The following ELAPOR2 variants were observed in gnomAD, a reference collection of about 807,000 sequenced individuals.
ELAPOR2 encodes endosome-lysosome associated apoptosis and autophagy regulator family member 2, also known as endosome/lysosome-associated apoptosis and autophagy regulator family member 2.
ELAPOR2 carries 89 observed loss-of-function variants against 120.7 expected under a neutral mutation model. That is an observed-to-expected ratio of 0.74 (90% CI 0.62 to 0.88). The LOEUF is 0.88. Ranked by LOEUF, ELAPOR2 falls within the 40% of genes least tolerant of loss-of-function variation. The pLI, the probability that ELAPOR2 is intolerant of heterozygous loss-of-function variation, is 0.00. For missense variants in ELAPOR2, 1,134 were observed against 1,251.6 expected (o/e 0.91, Z 1.42); for synonymous variants, 444 against 444.9 (o/e 1.00, Z 0.03).
At chr7:87,046,171 C>A (rs1794949724) in intron 1 of ELAPOR2, among the ~76,000 whole-genome samples, 1 of 151,938 alleles carries the variant, frequency 6.6e-6, no homozygotes, top group Non-Finnish European at 1.5e-5. Flanking sequence ...GTGAACACTC[C>A]AAAACAGAAA....
In ELAPOR2 at chr7:86,878,802, T is replaced by A. The variant is rs1011989415; in HGVS notation, c.*1669A>T. 1.3e-5 allele frequency: 2 copies of A among 152,206 alleles called. No homozygotes were observed. Among genetic ancestry groups the A allele is most frequent in the Non-Finnish European group, 2.9e-5 (2 of 68,020 alleles). 9.4% of individuals were successfully genotyped at this position (152,206 alleles called of 1,614,324 possible). ...AAGAAATTAAATGCAAAAAAAGGTT[T>A]ATGCAAAGTGACTCCCTCCCTGAAT... is the stretch of plus-strand genomic sequence containing the variant. On this transcript the variant is annotated 3_prime_UTR_variant, in exon 22 of 22. Transcript: ENST00000450689.
intron 1 of ELAPOR2, among the ~76,000 whole-genome samples, chr7:86,980,727 A>T (rs1767711): frequency 0.38 from 57,451 of 151,718 alleles, 11,713 homozygotes; most frequent in African/African-American, 0.53. Flanking sequence ...TATCTCTGCC[A>T]GTTCTTCCAA....
chr7:87,021,762 T>A (rs1794047650), intron 1 of ELAPOR2, among the ~76,000 whole-genome samples: 1 of 152,180 alleles, frequency 6.6e-6, no homozygotes, highest in Non-Finnish European at 1.5e-5. Flanking sequence ...CCAGCTAATC[T>A]CAGAACAAAG....
At chr7:86,967,488 T>C (rs990350152) in intron 1 of ELAPOR2, among the ~76,000 whole-genome samples, 1 of 152,132 alleles carries the variant, frequency 6.6e-6, no homozygotes, top group African/African-American at 2.4e-5. Flanking sequence ...GTCTGTCTTA[T>C]TTCCATGTTC....
At chr7:86,895,172 C>T (rs910969740) in intron 19 of ELAPOR2, among the ~76,000 whole-genome samples, 11 of 152,100 alleles carry the variant, frequency 7.2e-5, no homozygotes, top group East Asian at 1.9e-4. Context: ...TCTTCTATCA[C>T]GAAGCTTTGG....
chr7:86,917,587 G>T (rs1329330308), intron 12 of ELAPOR2, among the ~76,000 whole-genome samples: 4 of 152,116 alleles, frequency 2.6e-5, no homozygotes. Context: ...GCAGACTTGG[G>T]AGAATTGAAG....
rs182716401 is a variant in ELAPOR2 at position 87,001,778 on chromosome 7, A to G, written c.190-36754T>C. Among the ~76,000 whole-genome samples, 126 of 152,324 alleles carry G rather than the reference A, an allele frequency of 8.3e-4. No homozygotes were observed. In the Middle Eastern group the frequency reaches 0.017, roughly 21 times the overall value. On this transcript the variant is annotated intron_variant, in intron 1 of 21. Coordinates refer to ENST00000450689, the MANE Select transcript of ELAPOR2 (RefSeq NM_001142749.3). Reference sequence around the variant, plus strand: ...TCTACAGAGAACAGCAGAGGATCATATCAAAAAGAAGAAATGTATAGCCAA... The same window carrying G: ...TCTACAGAGAACAGCAGAGGATCATGTCAAAAAGAAGAAATGTATAGCCAA...
At chr7:86,915,608 C>A (rs1018763129) in intron 12 of ELAPOR2, among the ~76,000 whole-genome samples, 8 of 150,718 alleles carry the variant, frequency 5.3e-5, no homozygotes, top group African/African-American at 1.5e-4. Context: ...AAAACCAAGC[C>A]TAAACTCTGA....
chr7:86,971,947 C>T (rs913772798), intron 1 of ELAPOR2, among the ~76,000 whole-genome samples: 2 of 152,138 alleles, frequency 1.3e-5, no homozygotes, highest in Non-Finnish European at 2.9e-5. Context: ...ACAATATGGA[C>T]TCCCTGTGGC....
intron 10 of ELAPOR2, among the ~76,000 whole-genome samples, chr7:86,923,168 T>C (rs868624959): frequency 5.3e-5 from 8 of 151,944 alleles, no homozygotes; most frequent in Non-Finnish European, 2.9e-5. Flanking sequence ...TTGAGGTAAA[T>C]AGCAATTAGT....
chr7:86,938,722 A>G, intron 7 of ELAPOR2, 86 bp downstream of exon 7: 1 of 1,424,088 alleles, frequency 7.0e-7, no homozygotes, highest in South Asian at 1.3e-5. Context: ...CTGCTGTCAT[A>G]CTTTATGGGT....
rs988162953 is a variant in ELAPOR2 at position 86,945,128 on chromosome 7, C to T, written c.507-82G>A. ...CACAAAACTATGTAACTCAGATTCA[C>T]GAGTAGTTCCATCAGCAAAGTACAG... On this transcript the variant is annotated intron_variant, in intron 3 of 21. Coordinates refer to ENST00000450689, the MANE Select transcript of ELAPOR2 (RefSeq NM_001142749.3). 2.3e-5 allele frequency: 29 copies of T among 1,288,006 alleles called. 1 individual carries two copies. The East Asian group carries it at 6.4e-4, about 28-fold the overall frequency. 79.8% of individuals were successfully genotyped at this position (1,288,006 alleles called of 1,614,324 possible).
intron 1 of ELAPOR2, among the ~76,000 whole-genome samples, chr7:87,050,805 G>A (rs1317306844): frequency 2.0e-5 from 3 of 152,174 alleles, no homozygotes; most frequent in Non-Finnish European, 4.4e-5. Flanking sequence ...CAGGAGAAGT[G>A]AGAAGTTCTG....
intron 1 of ELAPOR2, among the ~76,000 whole-genome samples, chr7:87,015,389 TCCTG>T (rs1793834412): frequency 6.6e-6 from 1 of 152,206 alleles, no homozygotes; most frequent in African/African-American, 2.4e-5. Context: ...TTTCCTACTC[TCCTG>T]CCTAAAATTT....
intron 18 of ELAPOR2, among the ~76,000 whole-genome samples, chr7:86,901,914 A>C (rs2115958207): frequency 6.6e-6 from 1 of 152,258 alleles, no homozygotes. Context: ...CTTGCTCCAA[A>C]ATTTTTTTGC....
chr7:87,050,458 T>C (rs1396051671), intron 1 of ELAPOR2, among the ~76,000 whole-genome samples: 1 of 152,082 alleles, frequency 6.6e-6, no homozygotes, highest in Non-Finnish European at 1.5e-5. Flanking sequence ...ATGTCCCTGC[T>C]CCCCCTTTGC....
chr7:86,944,064 C>T (rs1411341725), intron 4 of ELAPOR2, among the ~76,000 whole-genome samples: 1 of 152,004 alleles, frequency 6.6e-6, no homozygotes, highest in African/African-American at 2.4e-5. Flanking sequence ...CCATTTCCAA[C>T]AATACAAATT....
At chr7:87,042,284 C>T (rs1222087772) in intron 1 of ELAPOR2, among the ~76,000 whole-genome samples, 2 of 150,680 alleles carry the variant, frequency 1.3e-5, no homozygotes, top group Non-Finnish European at 3.0e-5. Flanking sequence ...ACAGAACTCT[C>T]CACCCCAAGT....
intron 1 of ELAPOR2, among the ~76,000 whole-genome samples, chr7:87,054,377 G>A (rs752844051): frequency 1.3e-5 from 2 of 152,216 alleles, no homozygotes; most frequent in African/African-American, 2.4e-5. Context: ...TATTGATGGT[G>A]TGAATACTTG....
Sources: allele counts gnomAD v4.1 joint callset (sites outside exome capture counted in the v4.1 genomes callset), GRCh38; gene constraint gnomAD v4.1.1; transcripts MANE v1.5; gene names NCBI Gene and HGNC (gene_info 2026-07-23, HGNC 2026-07-21).